The following HDC variants were observed in gnomAD, a reference collection of about 807,000 sequenced individuals.
HDC encodes histidine decarboxylase.
In HDC, 27 loss-of-function variants were observed where a neutral mutation model predicts 64.4. The observed-to-expected ratio is 0.42, with a 90% CI of 0.31 to 0.58. The LOEUF (loss-of-function observed/expected upper bound fraction) is 0.58. HDC is among the 20% of genes least tolerant of loss of function. The pLI is 0.16. For synonymous variants in HDC, 305 were observed against 314.2 expected, an observed-to-expected ratio of 0.97 and a Z score of 0.31; for missense variants, 711 against 833.9, an observed-to-expected ratio of 0.85 and a Z score of 1.81.
At chr15:50,243,307 T>C (rs2045429252) in intron 10 of HDC, 63 bp from the exon 11 acceptor site, 22 of 1,089,246 alleles carry the variant, frequency 2.0e-5, no homozygotes, top group African/African-American at 3.1e-5. Flanking sequence ...TGCATAAACT[T>C]TCAGACTGCT....
chr15:50,247,682 CTG>C (rs1177825245), intron 10 of HDC, among the ~76,000 whole-genome samples: 2 of 152,196 alleles, frequency 1.3e-5, no homozygotes, highest in African/African-American at 4.8e-5. Flanking sequence ...TCATTTACCT[CTG>C]TGTCCCTTTC....
In HDC at chr15:50,254,590, A is replaced by G. The variant is rs770561534; in HGVS notation, c.516T>C (p.Ser172=). 1 of 1,614,248 alleles carries G rather than the reference A, an allele frequency of 6.2e-7. No individual in the cohort carries two copies. Among genetic ancestry groups the G allele is most frequent in the East Asian group, 2.2e-5 (1 of 44,882 alleles). Residue 172 remains serine, a synonymous_variant, in exon 5 of 12, where the codon TCT becomes TCC. Coordinates refer to ENST00000267845, the MANE Select transcript of HDC (RefSeq NM_002112.4). ...GGCAGGACTCATCAGCATCGGGCTC[A>G]GACGTTTTCATTTCCAGGATTTTGT... ...RKNKILEMKT[S]EPDADESCLN... is the part of the protein sequence containing the mutation.
chr15:50,255,274 T>G (rs557842375), intron 4 of HDC, among the ~76,000 whole-genome samples: 1 of 152,332 alleles, frequency 6.6e-6, no homozygotes, highest in East Asian at 1.9e-4. Context: ...GTGGAAATCT[T>G]CGGGGCCACC....
At chr15:50,245,227 A>T (rs1038770676) in intron 10 of HDC, among the ~76,000 whole-genome samples, 1 of 152,224 alleles carries the variant, frequency 6.6e-6, no homozygotes, top group East Asian at 1.9e-4. Context: ...CTGTGTTTGT[A>T]AAGTTTTTTG....
At chr15:50,260,280 C>T (rs1229321722) in intron 2 of HDC, among the ~76,000 whole-genome samples, 1 of 152,162 alleles carries the variant, frequency 6.6e-6, no homozygotes, top group East Asian at 1.9e-4. Context: ...CTCAGCCTCC[C>T]AAAGTGCTGG....
At chr15:50,250,588 G>A (rs1259038590) in intron 9 of HDC, among the ~76,000 whole-genome samples, 1 of 152,144 alleles carries the variant, frequency 6.6e-6, no homozygotes, top group African/African-American at 2.4e-5. Flanking sequence ...ACGGTAACAT[G>A]AAATTCAAAA....
At chr15:50,263,493 A>G in intron 1 of HDC, 86 bp from the exon 2 acceptor site, 1 of 1,315,238 alleles carries the variant, frequency 7.6e-7, no homozygotes, top group Non-Finnish European at 1.1e-6. Flanking sequence ...CCGGGCCAAG[A>G]GACTTGGTAA....
intron 1 of HDC, among the ~76,000 whole-genome samples, chr15:50,264,358 C>T (rs1384935146): frequency 3.3e-5 from 5 of 152,248 alleles, no homozygotes; most frequent in Non-Finnish European, 5.9e-5. Flanking sequence ...ACCAAGCCCC[C>T]TGCCCTGGCC....
chr15:50,258,011 T>A (rs1270571448), intron 3 of HDC, among the ~76,000 whole-genome samples: 1 of 149,514 alleles, frequency 6.7e-6, no homozygotes, highest in African/African-American at 2.5e-5. Context: ...TTAAGGGAAG[T>A]CTTAGGACAT....
chr15:50,247,580 T>C (rs1477925056), intron 10 of HDC, among the ~76,000 whole-genome samples: 3 of 152,150 alleles, frequency 2.0e-5, no homozygotes, highest in Admixed American at 6.5e-5. Context: ...ATGTGGACTC[T>C]TGTAGAAGTG....
chr15:50,255,066 G>A (rs1033523806), intron 4 of HDC, among the ~76,000 whole-genome samples: 4 of 152,192 alleles, frequency 2.6e-5, no homozygotes, highest in Admixed American at 2.6e-4. Flanking sequence ...CAGGAAGAGA[G>A]GATCCTGGCC....
chr15:50,254,313 T>C, intron 5 of HDC, 40 bp from the exon 6 acceptor site: 1 of 1,612,308 alleles, frequency 6.2e-7, no homozygotes. Flanking sequence ...AGAGTCATCC[T>C]GGAATGATCA....
In HDC at chr15:50,242,118, C is replaced by T. The variant is rs946304689; in HGVS notation, c.*142G>A. On this transcript the variant is annotated 3_prime_UTR_variant, in exon 12 of 12. Coordinates refer to ENST00000267845, the MANE Select transcript of HDC (RefSeq NM_002112.4). ...TTGTATCCTATTGTGGGTCATGAAC[C>T]CCTATGAGAATTTGATTAAAATTAT... is the stretch of plus-strand genomic sequence containing the variant. The T allele has an allele frequency of 6.5e-6, 5 of 767,828 alleles. No homozygotes were observed. Among genetic ancestry groups the T allele is most frequent in the Admixed American group, 1.9e-5 (1 of 53,924 alleles). 47.6% of individuals were successfully genotyped at this position (767,828 alleles called of 1,614,324 possible).
intron 2 of HDC, among the ~76,000 whole-genome samples, chr15:50,260,284 G>A (rs1341570707): frequency 6.6e-6 from 1 of 152,116 alleles, no homozygotes; most frequent in Non-Finnish European, 1.5e-5. Flanking sequence ...GCCTCCCAAA[G>A]TGCTGGGATT....
At chr15:50,259,410 A>C (rs2045674128) in intron 2 of HDC, among the ~76,000 whole-genome samples, 1 of 152,114 alleles carries the variant, frequency 6.6e-6, no homozygotes, top group Admixed American at 6.5e-5. Context: ...CCTCCAGGCT[A>C]AGCCCTGAGC....
Position 50,241,949 on chromosome 15 carries a change from T to C in HDC, c.*311A>G, listed in dbSNP as rs1403718502. 1 of 445,856 alleles carries C rather than the reference T, an allele frequency of 2.2e-6. No individual in the cohort carries two copies. The highest frequency in any genetic ancestry group is 4.0e-6 in the Non-Finnish European group (1 of 246,954). 27.6% of individuals were successfully genotyped at this position (445,856 alleles called of 1,614,324 possible). On this transcript the variant is annotated 3_prime_UTR_variant, in exon 12 of 12. Coordinates refer to ENST00000267845, the MANE Select transcript of HDC (RefSeq NM_002112.4). ...CCAATTAAGTGACACAGGGTATGTTTTGTTTCAGGGACAAGCATAATTTAT... is the reference window on the plus strand; with the variant it reads ...CCAATTAAGTGACACAGGGTATGTTCTGTTTCAGGGACAAGCATAATTTAT...
chr15:50,244,198 A>G (rs568048654), intron 10 of HDC, among the ~76,000 whole-genome samples: 42 of 152,150 alleles, frequency 2.8e-4, no homozygotes, highest in Non-Finnish European at 4.7e-4. Flanking sequence ...AGAAGATCTC[A>G]ATAAAATATT....
At chr15:50,262,406 C>T (rs1325048635) in intron 2 of HDC, among the ~76,000 whole-genome samples, 2 of 152,146 alleles carry the variant, frequency 1.3e-5, no homozygotes, top group Non-Finnish European at 1.5e-5. Flanking sequence ...GTCATGTGGC[C>T]AGCACAGAGC....
At chr15:50,254,730 C>T (rs2045605024) in intron 4 of HDC, 66 bp from the exon 5 acceptor site, 2 of 1,419,982 alleles carry the variant, frequency 1.4e-6, no homozygotes, top group African/African-American at 3.0e-5. Flanking sequence ...CCCAGGCTTT[C>T]TAGTTTTTTC....
Sources: gnomAD v4.1 joint callset for allele counts (sites outside exome capture counted in the v4.1 genomes callset) on GRCh38, gnomAD v4.1.1 for gene constraint, MANE v1.5 for transcripts, NCBI Gene and HGNC (gene_info 2026-07-23, HGNC 2026-07-21) for gene names.